The following WDR41 variants were observed in gnomAD, a reference collection of about 807,000 sequenced individuals.
WDR41 encodes WD repeat domain 41.
A neutral mutation model predicts 69.3 loss-of-function variants in WDR41; 63 were observed. The observed-to-expected ratio is 0.91, with a 90% CI of 0.74 to 1.12. The LOEUF (loss-of-function observed/expected upper bound fraction) is 1.12, where lower values mean the gene tolerates loss of function less well. WDR41 is among the 50% of genes most tolerant of loss of function. The probability of loss-of-function intolerance (pLI) is 0.00; values close to 1 mark genes in which losing one functional copy is unlikely to be tolerated. For missense variants in WDR41, 543 were observed against 534.5 expected, an observed-to-expected ratio of 1.02 and a Z score of -0.16; for synonymous variants, 185 against 192.1, an observed-to-expected ratio of 0.96 and a Z score of 0.31.
intron 1 of WDR41, among the ~76,000 whole-genome samples, chr5:77,581,310 A>C (rs1237069888): frequency 2.0e-5 from 3 of 152,228 alleles, no homozygotes; most frequent in African/African-American, 7.2e-5. Flanking sequence ...TGAAGATATA[A>C]TTATAGGCAT....
intron 1 of WDR41, among the ~76,000 whole-genome samples, chr5:77,502,146 C>T (rs1403016640): frequency 2.0e-5 from 3 of 152,032 alleles, no homozygotes; most frequent in African/African-American, 7.2e-5. Flanking sequence ...GAATGGCTAA[C>T]TAGAATAAAC....
At chr5:77,580,044 A>G (rs1743907417) in intron 1 of WDR41, among the ~76,000 whole-genome samples, 2 of 151,906 alleles carry the variant, frequency 1.3e-5, no homozygotes, top group South Asian at 4.1e-4. Context: ...AATAGAAGAA[A>G]AGGAATAGAG....
chr5:77,509,227 T>G (rs556876969), intron 1 of WDR41, among the ~76,000 whole-genome samples: 1 of 152,322 alleles, frequency 6.6e-6, no homozygotes. Context: ...TCTGACTTGC[T>G]GCTTCTATCT....
At chr5:77,436,921 T>C (rs79771332) in intron 11 of WDR41, among the ~76,000 whole-genome samples, 4,881 of 152,310 alleles carry the variant, frequency 0.032, 108 homozygotes, top group Middle Eastern at 0.099. Flanking sequence ...CATAAAATTA[T>C]GATATAAGCA....
At chr5:77,512,348 G>GAGAGAGAGAGAC (rs2112174686) in intron 1 of WDR41, among the ~76,000 whole-genome samples, 2 of 128,438 alleles carry the variant, frequency 1.6e-5, no homozygotes, top group East Asian at 4.9e-4. Flanking sequence ...GAGAGAGAGA[G>GAGAGAGAGAGAC]AGAGTGAGTG....
chr5:77,461,490 T>G (rs567327278), intron 4 of WDR41, among the ~76,000 whole-genome samples: 1 of 152,350 alleles, frequency 6.6e-6, no homozygotes, highest in African/African-American at 2.4e-5. Flanking sequence ...ACTCCAAAAC[T>G]TCACCAATGC....
At chr5:77,608,727 C>T (rs1052871469) in intron 1 of WDR41, among the ~76,000 whole-genome samples, 11 of 152,326 alleles carry the variant, frequency 7.2e-5, no homozygotes, top group South Asian at 4.1e-4. Flanking sequence ...GCGTGAGTGA[C>T]GCAGAAGATG....
chr5:77,587,885 G>C (rs1330195176), intron 1 of WDR41, among the ~76,000 whole-genome samples: 6 of 152,190 alleles, frequency 3.9e-5, no homozygotes, highest in African/African-American at 1.4e-4. Context: ...GAAGCAGCTA[G>C]AGCGCCATCT....
At chr5:77,508,963 T>G (rs2112168485) in intron 1 of WDR41, among the ~76,000 whole-genome samples, 1 of 152,292 alleles carries the variant, frequency 6.6e-6, no homozygotes, top group East Asian at 1.9e-4. Flanking sequence ...TGGCTGATTG[T>G]TTTTGACAAT....
chr5:77,442,165 C>T (rs577843284), intron 8 of WDR41, among the ~76,000 whole-genome samples: 11 of 152,014 alleles, frequency 7.2e-5, no homozygotes, highest in African/African-American at 1.2e-4. Context: ...ATGTAAATCT[C>T]GATCCAACAA....
intron 2 of WDR41, among the ~76,000 whole-genome samples, chr5:77,468,182 C>A (rs929045998): frequency 1.3e-5 from 2 of 152,094 alleles, no homozygotes; most frequent in Non-Finnish European, 2.9e-5. Flanking sequence ...CTCTCATCCC[C>A]TAATTATGAG....
At chr5:77,566,910 T>C (rs935602188) in intron 1 of WDR41, among the ~76,000 whole-genome samples, 1 of 152,138 alleles carries the variant, frequency 6.6e-6, no homozygotes, top group East Asian at 1.9e-4. Context: ...TGGCACTCCA[T>C]GTGATGGAAT....
chr5:77,484,068 T>C (rs1259008686), intron 2 of WDR41, among the ~76,000 whole-genome samples: 4 of 152,228 alleles, frequency 2.6e-5, no homozygotes, highest in African/African-American at 9.6e-5. Context: ...GTTTTACTGC[T>C]AAGATGACAA....
chr5:77,500,834 C>A (rs1382815700), intron 1 of WDR41, among the ~76,000 whole-genome samples: 1 of 152,140 alleles, frequency 6.6e-6, no homozygotes, highest in African/African-American at 2.4e-5. Flanking sequence ...ACATTAAAAA[C>A]CAAAAAAGAT....
chr5:77,457,920 G>A (rs1799897667), intron 5 of WDR41, among the ~76,000 whole-genome samples: 2 of 151,856 alleles, frequency 1.3e-5, no homozygotes, highest in Non-Finnish European at 2.9e-5. Context: ...TCACTATATT[G>A]GAATAAGATA....
chr5:77,499,783 C>T (rs1380577), intron 1 of WDR41: 83,190 of 152,042 alleles, frequency 0.55, 24,201 homozygotes, highest in African/African-American at 0.73. Context: ...ATATGCAAGG[C>T]TCTTAATCTA....
intron 1 of WDR41, among the ~76,000 whole-genome samples, chr5:77,586,461 C>G (rs1744040763): frequency 6.6e-6 from 1 of 152,026 alleles, no homozygotes; most frequent in East Asian, 1.9e-4. Flanking sequence ...TGTGTGCCAT[C>G]AGGCCCAGCT....
chr5:77,542,783 C>T (rs193130056), intron 1 of WDR41, among the ~76,000 whole-genome samples: 148 of 152,258 alleles, frequency 9.7e-4, no homozygotes, highest in Admixed American at 5.2e-4. Flanking sequence ...AGCTCCAACT[C>T]GGATGGACAG....
chr5:77,457,960 T>C (rs780217121), intron 5 of WDR41, among the ~76,000 whole-genome samples: 120 of 152,102 alleles, frequency 7.9e-4, no homozygotes, highest in Non-Finnish European at 6.6e-4. Context: ...CTATAACCAG[T>C]TCATAACACA....
Sources: allele counts gnomAD v4.1 joint callset (sites outside exome capture counted in the v4.1 genomes callset), GRCh38; gene constraint gnomAD v4.1.1; transcripts MANE v1.5; gene names NCBI Gene and HGNC (gene_info 2026-07-23, HGNC 2026-07-21).